The following IQGAP1 variants were observed in gnomAD, a reference collection of about 807,000 sequenced individuals.
The protein encoded by IQGAP1 is IQ motif containing GTPase activating protein 1.
Under a neutral mutation model 215.6 loss-of-function variants are expected in IQGAP1, and 66 were observed. The observed-to-expected ratio is 0.31, with a 90% CI of 0.25 to 0.38. The LOEUF is 0.38. Among genes scored for constraint, IQGAP1 ranks in the 10% least tolerant of loss-of-function variants. IQGAP1 has a pLI of 1.00. For missense variants in IQGAP1, 1,712 were observed against 1,997.1 expected, an observed-to-expected ratio of 0.86 and a Z score of 2.72; for synonymous variants, 772 against 728.7, an observed-to-expected ratio of 1.06 and a Z score of -0.96.
At chr15:90,475,288 G>A (rs1272003378) in intron 23 of IQGAP1, among the ~76,000 whole-genome samples, 1 of 151,658 alleles carries the variant, frequency 6.6e-6, no homozygotes, top group East Asian at 2.0e-4. Flanking sequence ...CGTGAGCCAC[G>A]ACACCCGGCT....
At chr15:90,458,753 T>G (rs1965721584) in intron 15 of IQGAP1, among the ~76,000 whole-genome samples, 1 of 152,218 alleles carries the variant, frequency 6.6e-6, no homozygotes, top group Non-Finnish European at 1.5e-5. Context: ...TAAAATCAGT[T>G]GATCTCAATT....
At chr15:90,467,384 G>C in intron 17 of IQGAP1, 66 bp from the exon 18 acceptor site, 4 of 1,503,494 alleles carry the variant, frequency 2.7e-6, no homozygotes, top group Non-Finnish European at 3.6e-6. Context: ...TAATCCTGCA[G>C]TTCTGGACGT....
In IQGAP1 at chr15:90,467,548, A is replaced by G. The variant is rs755462943; in HGVS notation, c.2134A>G (p.Asn712Asp). 6.2e-7 allele frequency: 1 copy of G among 1,612,688 alleles called. No individual in the cohort carries two copies. The highest frequency in any genetic ancestry group is 8.5e-7 in the Non-Finnish European group (1 of 1,179,496). The change falls in exon 18 of 38, where the codon AAT becomes GAT. Residue 712 changes from asparagine to aspartate, a missense_variant. Around this residue, in one of 2 missense-constraint regions of IQGAP1, gnomAD observed 1,021 missense variants for 1,074.2 expected, o/e 0.95. Coordinates refer to ENST00000268182, the MANE Select transcript of IQGAP1 (RefSeq NM_003870.4). ...GGAAGGAGGATGGGATGAACCTCCA[A>G]ATTTTGTGCAAAATTCTATGCAGCT... ...TQEGGWDEPP[N>D]FVQNSMQLSR...
chr15:90,417,061 T>A (rs113212493), intron 2 of IQGAP1, among the ~76,000 whole-genome samples: 22,277 of 152,218 alleles, frequency 0.15, 1,919 homozygotes, highest in South Asian at 0.23. Flanking sequence ...TGGGGTTGTT[T>A]GTTTCTTTTA....
rs561170337 is a variant in IQGAP1 at position 90,428,977 on chromosome 15, C to T, written c.313-612C>T. Among the ~76,000 whole-genome samples the T allele has an allele frequency of 4.6e-5, 7 of 152,122 alleles. 1 individual carries two copies. In the South Asian group the frequency reaches 1.0e-3, roughly 23 times the overall value. On this transcript the variant is annotated intron_variant, in intron 3 of 37. Transcript: ENST00000268182. ...CAACGATTCTCCTGCCTCAGCCTCC[C>T]GAGTAGCTGGGATTACAGGTGTGCA...
Position 90,474,135 on chromosome 15 carries a change from T to G in IQGAP1, c.2575+2T>G. On this transcript the variant is annotated splice_donor_variant, in intron 22 of 37. Transcript: ENST00000268182. LOFTEE classifies it high-confidence loss of function. ...CTCGGGATGACTACAAGACTCTCAG[T>G]GAGTAACTGGCTCCGCATGAAGAGT... is the stretch of plus-strand genomic sequence containing the variant. The G allele has an allele frequency of 6.2e-7, 1 of 1,608,556 alleles. No individual in the cohort carries two copies.
intron 2 of IQGAP1, among the ~76,000 whole-genome samples, chr15:90,401,105 G>C (rs559874757): frequency 1.3e-5 from 2 of 152,128 alleles, no homozygotes; most frequent in East Asian, 1.9e-4. Flanking sequence ...TGAGTTAGCC[G>C]AGTGAAGTGC....
chr15:90,397,934 A>G (rs2151002138), intron 2 of IQGAP1: 1 of 132,772 alleles, frequency 7.5e-6, no homozygotes, highest in East Asian at 2.2e-4. Context: ...CCCAGGCTGG[A>G]GTGCAGTGGC....
intron 15 of IQGAP1, among the ~76,000 whole-genome samples, chr15:90,456,881 C>G (rs187494566): frequency 1.4e-4 from 20 of 147,310 alleles, no homozygotes; most frequent in African/African-American, 4.0e-4. Context: ...GAGTAAGACT[C>G]CGTCTCAAAA....
In IQGAP1 at chr15:90,494,846, G is replaced by C. The variant is rs79801882; in HGVS notation, c.4751+11G>C. The C allele has an allele frequency of 8.6e-3, 13,583 of 1,583,824 alleles. 76 individuals are homozygous for C. Among genetic ancestry groups the C allele is most frequent in the Non-Finnish European group, 0.011 (12,260 of 1,166,756 alleles). ...CCTGCAAGTGAATCAGTGAGTCTTTGCTTTTTGTTTTATAAGTTGATTTTT... is the reference window on the plus strand; with the variant it reads ...CCTGCAAGTGAATCAGTGAGTCTTTCCTTTTTGTTTTATAAGTTGATTTTT... On this transcript the variant is annotated intron_variant, in intron 36 of 37. Transcript: ENST00000268182.
chr15:90,479,793 A>C (rs771090461), intron 26 of IQGAP1, among the ~76,000 whole-genome samples: 4 of 152,064 alleles, frequency 2.6e-5, no homozygotes, highest in Admixed American at 6.6e-5. Flanking sequence ...TCTCAGTACC[A>C]TGTAGGTCTG....
At chr15:90,444,718 C>T (rs988391725) in intron 9 of IQGAP1, among the ~76,000 whole-genome samples, 10 of 152,234 alleles carry the variant, frequency 6.6e-5, no homozygotes, top group Non-Finnish European at 1.2e-4. Context: ...ATGACTACTT[C>T]ATACTTGCCA....
chr15:90,449,578 T>A lies in IQGAP1; in HGVS notation c.1097T>A (p.Leu366Gln). The change falls in exon 11 of 38, where the codon CTG (leucine) becomes CAG (glutamine). Residue 366 changes from leucine to glutamine, a missense_variant. Coordinates refer to ENST00000268182, the MANE Select transcript of IQGAP1 (RefSeq NM_003870.4). ...GCTCAGAGTGGTCAGACTGACCCCC[T>A]GCAGAAGGAGGAGCTGCAGTCTGGA... is the stretch of plus-strand genomic sequence containing the variant. ...QKRQSGQTDP[L>Q]QKEELQSGVD... 1 of 1,612,894 alleles carries A rather than the reference T, an allele frequency of 6.2e-7. No individual in the cohort carries two copies. Among genetic ancestry groups the A allele is most frequent in the Non-Finnish European group, 8.5e-7 (1 of 1,179,490 alleles).
At chr15:90,437,877 A>T (rs780144299) in intron 5 of IQGAP1, among the ~76,000 whole-genome samples, 27 of 152,216 alleles carry the variant, frequency 1.8e-4, no homozygotes, top group Non-Finnish European at 3.8e-4. Context: ...CTTCTGAGAC[A>T]GGCGCTTTAT....
chr15:90,422,984 T>C (rs1400826129), intron 2 of IQGAP1, among the ~76,000 whole-genome samples: 1 of 151,964 alleles, frequency 6.6e-6, no homozygotes, highest in Non-Finnish European at 1.5e-5. Flanking sequence ...CGTGAGCTAC[T>C]GTGCCTGGCC....
intron 18 of IQGAP1, among the ~76,000 whole-genome samples, chr15:90,468,838 G>A (rs1464712990): frequency 6.6e-6 from 1 of 151,918 alleles, no homozygotes; most frequent in Non-Finnish European, 1.5e-5. Context: ...CTCAAAAAAA[G>A]GAATATTTAA....
chr15:90,477,981 A>G, intron 26 of IQGAP1, 92 bp downstream of exon 26: 1 of 828,760 alleles, frequency 1.2e-6, no homozygotes, highest in East Asian at 2.7e-5. Context: ...ATATTAGTTC[A>G]AATAGTTTTT....
At chr15:90,388,545 G>T (rs1964585450) in intron 1 of IQGAP1, 149 bp downstream of exon 1, 1 of 678,866 alleles carries the variant, frequency 1.5e-6, no homozygotes, top group Admixed American at 4.4e-5. Flanking sequence ...GGCGGCGGGC[G>T]GCGGGCGGGG....
chr15:90,498,070 C>T (rs1388807763), intron 37 of IQGAP1, among the ~76,000 whole-genome samples: 1 of 151,298 alleles, frequency 6.6e-6, no homozygotes, highest in Admixed American at 6.6e-5. Context: ...CCCAACCCCG[C>T]CCCTTTTGTT....
Sources: allele counts gnomAD v4.1 joint callset (sites outside exome capture counted in the v4.1 genomes callset), GRCh38; gene constraint gnomAD v4.1.1; regional missense constraint gnomAD v4.1.1; transcripts MANE v1.5; gene names NCBI Gene and HGNC (gene_info 2026-07-23, HGNC 2026-07-21).